CPEB3: variants seen among roughly 807,000 people sequenced by gnomAD.
The protein encoded by CPEB3 is cytoplasmic polyadenylation element binding protein 3.
Under a neutral mutation model 67.2 loss-of-function variants are expected in CPEB3, and 20 were observed. The observed-to-expected ratio is 0.30, with a 90% CI of 0.21 to 0.43. The LOEUF (loss-of-function observed/expected upper bound fraction) is 0.43. Ranked by LOEUF, CPEB3 falls within the 20% of genes least tolerant of loss-of-function variation. CPEB3 has a pLI of 1.00. For missense variants in CPEB3, 746 were observed against 968.6 expected (o/e 0.77, Z 3.05); for synonymous variants, 376 against 393.1 (o/e 0.96, Z 0.51).
intron 4 of CPEB3, among the ~76,000 whole-genome samples, chr10:92,165,163 G>C (rs1847676942): frequency 6.6e-6 from 1 of 151,862 alleles, no homozygotes; most frequent in Non-Finnish European, 1.5e-5. Context: ...ATACTTTATT[G>C]TTGCCTAGCA....
Position 92,170,738 on chromosome 10 carries a change from TAAG to T in CPEB3, c.1222+10222_1222+10224del, listed in dbSNP as rs1847963228. Among the ~76,000 whole-genome samples, 7 of 152,262 alleles carry T rather than the reference TAAG, an allele frequency of 4.6e-5. No homozygotes were observed. The South Asian group carries it at 1.5e-3, about 32-fold the overall frequency. The stretch of plus-strand genomic sequence containing the variant: ...GAGAGAGAAAGAAAGAAGAAAGTTC[TAAG>T]AATTGTAATCACATAACAGAGTATT... On this transcript the variant is annotated intron_variant, in intron 4 of 9. Transcript: ENST00000265997.
intron 4 of CPEB3, among the ~76,000 whole-genome samples, chr10:92,168,766 C>CTGTG (rs953948518): frequency 9.4e-5 from 14 of 149,540 alleles, no homozygotes; most frequent in African/African-American, 3.5e-4. Flanking sequence ...CCATGCAGAG[C>CTGTG]TGTGAGTCAA....
chr10:92,122,761 C>G (rs1309636418), intron 6 of CPEB3, among the ~76,000 whole-genome samples: 1 of 152,164 alleles, frequency 6.6e-6, no homozygotes, highest in African/African-American at 2.4e-5. Context: ...GAAAGGCTTT[C>G]TGTAGGTGGT....
chr10:92,101,587 T>C (rs1355392177), intron 7 of CPEB3, among the ~76,000 whole-genome samples: 1 of 152,096 alleles, frequency 6.6e-6, no homozygotes, highest in Non-Finnish European at 1.5e-5. Flanking sequence ...ACAAAATGAC[T>C]GGATTGCCCC....
intron 9 of CPEB3, among the ~76,000 whole-genome samples, chr10:92,060,126 G>A (rs1233505201): frequency 6.6e-6 from 1 of 151,840 alleles, no homozygotes; most frequent in Non-Finnish European, 1.5e-5. Context: ...GGAGGCCGAG[G>A]TGGGTGAATC....
rs548706425 is a variant in CPEB3, at chr10:92,192,647, A to C, written c.1006-11T>G. On this transcript the variant is annotated splice_polypyrimidine_tract_variant and intron_variant, in intron 2 of 9. Transcript: ENST00000265997. ...GGGCCTACTCCGGTCCTAAGAATAA[A>C]AACAAAAACAAGACAATACATAAAA... The C allele has an allele frequency of 1.3e-6, 2 of 1,565,290 alleles. No homozygotes were observed. The highest frequency in any genetic ancestry group is 1.7e-6 in the Non-Finnish European group (2 of 1,154,864).
chr10:92,185,152 T>C (rs1272907675), intron 3 of CPEB3, among the ~76,000 whole-genome samples: 1 of 152,222 alleles, frequency 6.6e-6, no homozygotes, highest in East Asian at 1.9e-4. Flanking sequence ...TTTTGTATAA[T>C]GTAGTCTGGT....
intron 9 of CPEB3, among the ~76,000 whole-genome samples, chr10:92,054,129 C>T (rs1437575695): frequency 6.6e-6 from 1 of 152,010 alleles, no homozygotes; most frequent in Non-Finnish European, 1.5e-5. Context: ...GAATAATTCA[C>T]ATAAGAATTC....
chr10:92,289,732 A>ATAT (rs1554944314), intron 1 of CPEB3, among the ~76,000 whole-genome samples: 165 of 75,744 alleles, frequency 2.2e-3, no homozygotes, highest in Middle Eastern at 9.8e-3. Context: ...AAAAAAAAAA[A>ATAT]ATATATATAT....
chr10:92,176,195 T>C (rs1025784971), intron 4 of CPEB3, among the ~76,000 whole-genome samples: 5 of 152,238 alleles, frequency 3.3e-5, no homozygotes, highest in African/African-American at 1.2e-4. Context: ...AAACTTATAT[T>C]TTTGAAACTA....
chr10:92,271,145 C>A (rs1160881672), intron 1 of CPEB3, among the ~76,000 whole-genome samples: 1 of 152,110 alleles, frequency 6.6e-6, no homozygotes, highest in Non-Finnish European at 1.5e-5. Context: ...ATCGCACCAC[C>A]GCATTCCAGC....
intron 2 of CPEB3, among the ~76,000 whole-genome samples, chr10:92,226,070 C>G (rs1289648749): frequency 6.6e-6 from 1 of 152,168 alleles, no homozygotes; most frequent in Non-Finnish European, 1.5e-5. Context: ...GCACTCCAGC[C>G]TGGGCAACGG....
At chr10:92,089,054 T>A (rs1032382332) in intron 8 of CPEB3, among the ~76,000 whole-genome samples, 2 of 152,212 alleles carry the variant, frequency 1.3e-5, no homozygotes, top group Admixed American at 1.3e-4. Flanking sequence ...GCATGACACA[T>A]ATTTTCTCAG....
intron 2 of CPEB3, among the ~76,000 whole-genome samples, chr10:92,201,862 T>C (rs915150641): frequency 5.3e-5 from 8 of 152,186 alleles, no homozygotes; most frequent in Non-Finnish European, 5.9e-5. Context: ...AAGTATATTG[T>C]AATTACTTCT....
At chr10:92,078,983 A>T (rs770568535) in intron 9 of CPEB3, among the ~76,000 whole-genome samples, 1 of 152,206 alleles carries the variant, frequency 6.6e-6, no homozygotes, top group Admixed American at 6.5e-5. Context: ...AGAAACATGG[A>T]GAAATGGAGG....
chr10:92,216,313 G>C, intron 2 of CPEB3: 1 of 1,579,570 alleles, frequency 6.3e-7, no homozygotes, highest in Non-Finnish European at 8.6e-7. Context: ...CCTGGGACTA[G>C]GTTTCAGCGG....
intron 4 of CPEB3, among the ~76,000 whole-genome samples, chr10:92,170,125 C>G (rs777773695): frequency 6.6e-6 from 1 of 152,110 alleles, no homozygotes; most frequent in Non-Finnish European, 1.5e-5. Context: ...CTCTTCTACT[C>G]CCTAGGAAAC....
intron 7 of CPEB3, among the ~76,000 whole-genome samples, chr10:92,105,614 T>C (rs1005915370): frequency 1.4e-4 from 21 of 152,180 alleles, no homozygotes; most frequent in African/African-American, 4.8e-5. Context: ...ATAATCTGTA[T>C]CTTATTCTTT....
At chr10:92,281,809 T>C (rs1453995973) in intron 1 of CPEB3, among the ~76,000 whole-genome samples, 1 of 152,244 alleles carries the variant, frequency 6.6e-6, no homozygotes, top group Non-Finnish European at 1.5e-5. Flanking sequence ...CTATGATCAT[T>C]ACTACTATTG....
Sources: gnomAD v4.1 joint callset for allele counts (sites outside exome capture counted in the v4.1 genomes callset) on GRCh38, gnomAD v4.1.1 for gene constraint, MANE v1.5 for transcripts, NCBI Gene and HGNC (gene_info 2026-07-23, HGNC 2026-07-21) for gene names.